The following CMTM8 variants were observed in gnomAD, a reference collection of about 807,000 sequenced individuals.
CMTM8 encodes CKLF-like MARVEL transmembrane domain-containing protein 8.
A neutral mutation model predicts 18.6 loss-of-function variants in CMTM8; 12 were observed. That is an observed-to-expected ratio of 0.65 (90% CI 0.41 to 1.05). The LOEUF is 1.05. Among genes scored for constraint, CMTM8 ranks in the 50% least tolerant of loss-of-function variants. The pLI, the probability that CMTM8 is intolerant of heterozygous loss-of-function variation, is 0.00. For synonymous variants in CMTM8, 87 were observed against 90.6 expected, an observed-to-expected ratio of 0.96 and a Z score of 0.23; for missense variants, 217 against 227.2, an observed-to-expected ratio of 0.95 and a Z score of 0.29.
chr3:32,241,138 T>C (rs1184938292), intron 1 of CMTM8, among the ~76,000 whole-genome samples: 1 of 152,146 alleles, frequency 6.6e-6, no homozygotes, highest in Non-Finnish European at 1.5e-5. Flanking sequence ...TATAAGTTTC[T>C]CCCAGTGTCT....
At chr3:32,342,243 ATC>A (rs764392068) in intron 1 of CMTM8, among the ~76,000 whole-genome samples, 48 of 152,180 alleles carry the variant, frequency 3.2e-4, no homozygotes, top group Non-Finnish European at 6.2e-4. Context: ...ATGAGACTCC[ATC>A]TCAAAAAAAC....
chr3:32,289,976 C>G (rs760271068), intron 1 of CMTM8, among the ~76,000 whole-genome samples: 10 of 152,022 alleles, frequency 6.6e-5, no homozygotes, highest in Non-Finnish European at 1.2e-4. Flanking sequence ...ACAAAATATA[C>G]AAAAATTAGC....
chr3:32,254,537 A>G (rs1023053560), intron 1 of CMTM8, among the ~76,000 whole-genome samples: 1 of 152,144 alleles, frequency 6.6e-6, no homozygotes, highest in East Asian at 1.9e-4. Context: ...ATTGAAAGTT[A>G]TAAATTCTAT....
At chr3:32,293,477 G>A (rs1702819731) in intron 1 of CMTM8, among the ~76,000 whole-genome samples, 1 of 152,218 alleles carries the variant, frequency 6.6e-6, no homozygotes, top group Admixed American at 6.5e-5. Context: ...GAATCCGGGA[G>A]GCGGAGGTTG....
intron 2 of CMTM8, among the ~76,000 whole-genome samples, chr3:32,362,242 C>T (rs1163331560): frequency 1.3e-5 from 2 of 151,720 alleles, no homozygotes; most frequent in African/African-American, 2.4e-5. Flanking sequence ...GGGGTTTCAC[C>T]GTGTTAGCCA....
At chr3:32,306,836 C>T (rs891554606) in intron 1 of CMTM8, among the ~76,000 whole-genome samples, 17 of 152,092 alleles carry the variant, frequency 1.1e-4, no homozygotes, top group East Asian at 9.6e-4. Flanking sequence ...TTGGAAGAGA[C>T]GGGTACTACA....
intron 1 of CMTM8, among the ~76,000 whole-genome samples, chr3:32,313,515 G>A (rs758684116): frequency 6.6e-6 from 1 of 152,086 alleles, no homozygotes; most frequent in African/African-American, 2.4e-5. Flanking sequence ...ATGTTGCCCA[G>A]GCTGGTCTCA....
At chr3:32,293,097 A>G (rs1240203078) in intron 1 of CMTM8, among the ~76,000 whole-genome samples, 2 of 150,914 alleles carry the variant, frequency 1.3e-5, no homozygotes, top group African/African-American at 2.4e-5. Flanking sequence ...ATATATATAT[A>G]TTTAACTTTT....
At chr3:32,266,210 A>G (rs1159453232) in intron 1 of CMTM8, among the ~76,000 whole-genome samples, 1 of 152,234 alleles carries the variant, frequency 6.6e-6, no homozygotes, top group Non-Finnish European at 1.5e-5. Context: ...CCTCAATAAA[A>G]TACTGGCAAA....
chr3:32,264,456 C>G (rs1198227033), intron 1 of CMTM8, among the ~76,000 whole-genome samples: 1 of 152,132 alleles, frequency 6.6e-6, no homozygotes, highest in East Asian at 1.9e-4. Flanking sequence ...GAAGGAAGCA[C>G]TAAACGTGGA....
At chr3:32,344,995 T>C (rs1209336279) in intron 1 of CMTM8, among the ~76,000 whole-genome samples, 2 of 152,040 alleles carry the variant, frequency 1.3e-5, no homozygotes, top group Non-Finnish European at 2.9e-5. Context: ...AGGAGGGCAG[T>C]TGAAATCAGC....
chr3:32,357,520 A>T lies in CMTM8; in HGVS notation c.295A>T (p.Ile99Phe). Residue 99 changes from isoleucine (I) to phenylalanine (F), a missense_variant, in exon 2 of 4, where the codon ATT becomes TTT. Physicochemically the swap from Ile to Phe is conservative, Grantham distance 21. Coordinates refer to ENST00000307526, the MANE Select transcript of CMTM8 (RefSeq NM_178868.5). ...CTACATAACAATGACCTACACCAGGATTCCCCAGGTGCCCTGGACAACAGT... is the reference window on the plus strand; with the variant it reads ...CTACATAACAATGACCTACACCAGGTTTCCCCAGGTGCCCTGGACAACAGT... ...IIYITMTYTR[I>F]PQVPWTTVGL... 1.2e-6 allele frequency: 2 copies of T among 1,614,106 alleles called. No homozygotes were observed. The highest frequency in any genetic ancestry group is 1.1e-5 in the South Asian group (1 of 91,076).
At chr3:32,334,617 A>AG (rs1431451693) in intron 1 of CMTM8, among the ~76,000 whole-genome samples, 1 of 151,938 alleles carries the variant, frequency 6.6e-6, no homozygotes, top group East Asian at 1.9e-4. Context: ...AAAAAAAAAA[A>AG]GTGAAGGAGC....
At chr3:32,267,465 GA>G (rs1331544138) in intron 1 of CMTM8, among the ~76,000 whole-genome samples, 2 of 152,028 alleles carry the variant, frequency 1.3e-5, no homozygotes, top group African/African-American at 4.8e-5. Context: ...ATGGATTAAA[GA>G]CTTAAATGTT....
intron 1 of CMTM8, among the ~76,000 whole-genome samples, chr3:32,306,315 C>T (rs1290418638): frequency 1.3e-5 from 2 of 152,218 alleles, no homozygotes; most frequent in Non-Finnish European, 2.9e-5. Flanking sequence ...TGGAACTTGA[C>T]CACAGTCATT....
At chr3:32,366,441 C>T (rs2125605202) in intron 2 of CMTM8, among the ~76,000 whole-genome samples, 2 of 152,300 alleles carry the variant, frequency 1.3e-5, no homozygotes, top group South Asian at 4.1e-4. Flanking sequence ...CAGGGCAGTT[C>T]TGGCCAGGCT....
At chr3:32,248,754 C>T (rs1006889294) in intron 1 of CMTM8, among the ~76,000 whole-genome samples, 1 of 151,796 alleles carries the variant, frequency 6.6e-6, no homozygotes, top group Non-Finnish European at 1.5e-5. Context: ...ATCATCATAA[C>T]TCATTGTAAC....
At chr3:32,270,356 C>T (rs2125543230) in intron 1 of CMTM8, among the ~76,000 whole-genome samples, 1 of 152,300 alleles carries the variant, frequency 6.6e-6, no homozygotes, top group East Asian at 1.9e-4. Flanking sequence ...TTGACCCAGC[C>T]ATCCCATTAC....
chr3:32,321,993 C>T (rs1476968872), intron 1 of CMTM8, among the ~76,000 whole-genome samples: 5 of 152,360 alleles, frequency 3.3e-5, no homozygotes, highest in African/African-American at 1.2e-4. Flanking sequence ...GGGTTAGCGC[C>T]ACTGTCTGTC....
Sources: allele counts gnomAD v4.1 joint callset (sites outside exome capture counted in the v4.1 genomes callset), GRCh38; gene constraint gnomAD v4.1.1; transcripts MANE v1.5; gene names NCBI Gene and HGNC (gene_info 2026-07-23, HGNC 2026-07-21).